The following NWD1 variants were observed in gnomAD, a reference collection of about 807,000 sequenced individuals.
NWD1 encodes the protein NACHT domain- and WD repeat-containing protein 1.
NWD1 carries 129 observed loss-of-function variants against 135.1 expected under a neutral mutation model. That is an observed-to-expected ratio of 0.96 (90% CI 0.83 to 1.11). The LOEUF is 1.11. Among genes scored for constraint, NWD1 ranks in the 50% least tolerant of loss-of-function variants. The pLI, the probability that NWD1 is intolerant of heterozygous loss-of-function variation, is 0.00. For missense variants in NWD1, 1,740 were observed against 1,851.3 expected, an observed-to-expected ratio of 0.94 and a Z score of 1.10; for synonymous variants, 773 against 786.0, an observed-to-expected ratio of 0.98 and a Z score of 0.28.
intron 6 of NWD1, among the ~76,000 whole-genome samples, chr19:16,758,331 C>T (rs985779597): frequency 2.0e-5 from 3 of 152,216 alleles, no homozygotes; most frequent in African/African-American, 7.2e-5. Context: ...GTCTGGAGTG[C>T]AGTGATGTAA....
chr19:16,725,008 AT>A (rs137994009), intron 2 of NWD1, among the ~76,000 whole-genome samples: 16,247 of 78,354 alleles, frequency 0.21, 1,112 homozygotes, highest in African/African-American at 0.29. Flanking sequence ...ATTTTTATTT[AT>A]TTTTTATTTT....
chr19:16,815,649 C>A lies in NWD1; in HGVS notation c.*610C>A, dbSNP rs1312927598. ...GGTCCCAATTGGCCCATACGCCTAG[C>A]CCTAAACCAATTATTATATCTGGGA... is the stretch of plus-strand genomic sequence containing the variant. On this transcript the variant is annotated 3_prime_UTR_variant, in exon 19 of 19. Transcript: ENST00000524140. The A allele has an allele frequency of 7.5e-6, 2 of 267,374 alleles. No individual in the cohort carries two copies. Among genetic ancestry groups the A allele is most frequent in the African/African-American group, 4.5e-5 (2 of 44,446 alleles). 16.6% of individuals were successfully genotyped at this position (267,374 alleles called of 1,614,324 possible). A position where few individuals can be genotyped will look rare whatever the true frequency, so the allele number is the denominator to read the frequency against.
At position 16,789,152 on chromosome 19, in the gene NWD1, G is replaced by A. The variant is rs148917048; in HGVS notation, c.2902G>A (p.Glu968Lys). 5 of 1,614,104 alleles carry A rather than the reference G, an allele frequency of 3.1e-6. No homozygotes were observed. Among genetic ancestry groups the A allele is most frequent in the Non-Finnish European group, 4.2e-6 (5 of 1,179,986 alleles). ...TCAGATCTGGAACCTTCATGTGGAT[G>A]AGGCACACAAAGTTGTGTATTCAGC... ...EPQIWNLHVD[E>K]AHKVVYSASG... The change falls in exon 13 of 19, where the codon GAG becomes AAG. Residue 968 changes from glutamate (E) to lysine (K), a missense_variant. Coordinates refer to ENST00000524140, the MANE Select transcript of NWD1 (RefSeq NM_001007525.5).
At chr19:16,785,725 CAT>C (rs1970015787) in intron 12 of NWD1, among the ~76,000 whole-genome samples, 1 of 147,346 alleles carries the variant, frequency 6.8e-6, no homozygotes, top group Admixed American at 6.8e-5. Context: ...GTGAATAAAA[CAT>C]AAATATATAC....
chr19:16,739,625 C>T (rs1967998867), intron 4 of NWD1, among the ~76,000 whole-genome samples: 1 of 152,190 alleles, frequency 6.6e-6, no homozygotes, highest in African/African-American at 2.4e-5. Context: ...GCCACAGCAT[C>T]ATTCTGCTCC....
chr19:16,720,828 C>T (rs1181928798), intron 1 of NWD1, among the ~76,000 whole-genome samples: 3 of 152,050 alleles, frequency 2.0e-5, no homozygotes, highest in African/African-American at 4.8e-5. Context: ...GCTGGGATTA[C>T]AGGCGTGAGC....
chr19:16,774,910 C>G (rs936528747), intron 11 of NWD1, among the ~76,000 whole-genome samples: 1 of 152,052 alleles, frequency 6.6e-6, no homozygotes, highest in African/African-American at 2.4e-5. Context: ...TCAATTTCAT[C>G]GAGAAACTGA....
chr19:16,813,093 G>A (rs1002052418), intron 18 of NWD1, among the ~76,000 whole-genome samples: 1 of 152,182 alleles, frequency 6.6e-6, no homozygotes, highest in Non-Finnish European at 1.5e-5. Flanking sequence ...CCTGCATACA[G>A]CCATCCTTCC....
intron 4 of NWD1, among the ~76,000 whole-genome samples, chr19:16,742,847 A>T (rs189446629): frequency 0.016 from 2,322 of 143,924 alleles, 62 homozygotes; most frequent in African/African-American, 0.057. Context: ...TTTTTAAAAA[A>T]ATTTTTTGTA....
chr19:16,759,886 C>T (rs1013592917), intron 7 of NWD1, among the ~76,000 whole-genome samples: 15 of 151,990 alleles, frequency 9.9e-5, no homozygotes, highest in Admixed American at 7.9e-4. Context: ...CCCAGCTGCT[C>T]GGGAGGCTGA....
chr19:16,785,899 C>G (rs1970024470), intron 12 of NWD1, among the ~76,000 whole-genome samples: 1 of 151,754 alleles, frequency 6.6e-6, no homozygotes, highest in Admixed American at 6.6e-5. Context: ...GAGTCCCACT[C>G]TGTCGCCCAG....
chr19:16,725,945 G>GT (rs71180318), intron 2 of NWD1, among the ~76,000 whole-genome samples: 58 of 148,176 alleles, frequency 3.9e-4, no homozygotes, highest in African/African-American at 7.9e-4. Flanking sequence ...TAGCTACATT[G>GT]TTTTTTTTTT....
Position 16,796,904 on chromosome 19 carries a change from T to C in NWD1, c.3305-828T>C, listed in dbSNP as rs117207794. Among the ~76,000 whole-genome samples, 1,349 of 152,138 alleles carry C rather than the reference T, an allele frequency of 8.9e-3. 14 individuals carry two copies. The highest frequency in any genetic ancestry group is 0.013 in the Non-Finnish European group (874 of 67,994). The stretch of plus-strand genomic sequence containing the variant: ...TTAAGATGAGTGATTACTGGCTGGG[T>C]ACGGTGGCTCAGGCCTGTAATCCCA... On this transcript the variant is annotated intron_variant, in intron 15 of 18. Coordinates refer to ENST00000524140, the MANE Select transcript of NWD1 (RefSeq NM_001007525.5).
chr19:16,735,843 AAGGAAGGAAGGAAGGAAGG>A (rs1568337379), intron 3 of NWD1, among the ~76,000 whole-genome samples: 6 of 52,672 alleles, frequency 1.1e-4, no homozygotes, highest in African/African-American at 5.8e-4. Context: ...GGAAGGAAGG[AAGGAAGGAAGGAAGGAAGG>A]AAGGAGGAAG....
chr19:16,736,307 G>T (rs1444223074), intron 3 of NWD1, among the ~76,000 whole-genome samples: 1 of 151,208 alleles, frequency 6.6e-6, no homozygotes, highest in Non-Finnish European at 1.5e-5. Context: ...AGAGCTCACT[G>T]CAACCTCTGC....
At chr19:16,738,716 C>CATATATATATA (rs1967941889) in intron 4 of NWD1, among the ~76,000 whole-genome samples, 5 of 140,512 alleles carry the variant, frequency 3.6e-5, no homozygotes, top group African/African-American at 1.3e-4. Flanking sequence ...ATGGGCAAAA[C>CATATATATATA]ATATATATAT....
At chr19:16,794,243 G>C (rs1480540819) in intron 14 of NWD1, among the ~76,000 whole-genome samples, 1 of 152,168 alleles carries the variant, frequency 6.6e-6, no homozygotes, top group African/African-American at 2.4e-5. Flanking sequence ...GCAGGTGCCT[G>C]TAATCCCAGC....
chr19:16,773,348 A>G (rs1471410670), intron 11 of NWD1, 25 bp downstream of exon 11: 4 of 1,598,174 alleles, frequency 2.5e-6, no homozygotes, highest in Non-Finnish European at 3.4e-6. Flanking sequence ...CATAGCAAAA[A>G]TCCCAGCAGG....
chr19:16,750,487 C>G lies in NWD1; in HGVS notation c.1769+76C>G, dbSNP rs551104474. 2.4e-5 allele frequency: 28 copies of G among 1,172,468 alleles called. No homozygotes were observed. In the East Asian group the frequency reaches 6.8e-4, roughly 28 times the overall value. The allele number at this position is 1,172,468 out of a possible 1,614,324, so 72.6% of individuals were successfully genotyped here. A position where few individuals can be genotyped will look rare whatever the true frequency, so the allele number is the denominator to read the frequency against. ...TTTATTTTTAGAGATGGAGGTCTGG[C>G]TATGTCACCCAGGCTGGAGTGCAGT... On this transcript the variant is annotated intron_variant, in intron 6 of 18. Coordinates refer to ENST00000524140, the MANE Select transcript of NWD1 (RefSeq NM_001007525.5).
Sources: allele counts gnomAD v4.1 joint callset (sites outside exome capture counted in the v4.1 genomes callset), GRCh38; gene constraint gnomAD v4.1.1; transcripts MANE v1.5; gene names NCBI Gene and HGNC (gene_info 2026-07-23, HGNC 2026-07-21).